The following CREB3L2 variants were observed in gnomAD, a reference collection of about 807,000 sequenced individuals.
CREB3L2 encodes cyclic AMP-responsive element-binding protein 3-like protein 2.
CREB3L2 carries 23 observed loss-of-function variants against 57.2 expected under a neutral mutation model. The ratio of observed to expected loss-of-function variants is 0.40; its 90% CI spans 0.29 to 0.57. The LOEUF (loss-of-function observed/expected upper bound fraction) is 0.57. CREB3L2 is among the 20% of genes least tolerant of loss of function. The pLI is 0.42. For missense variants in CREB3L2, 628 were observed against 634.7 expected (o/e 0.99, Z 0.11); for synonymous variants, 268 against 265.1 (o/e 1.01, Z -0.11).
chr7:137,964,233 T>C (rs1305757383), intron 1 of CREB3L2, among the ~76,000 whole-genome samples: 1 of 152,154 alleles, frequency 6.6e-6, no homozygotes, highest in African/African-American at 2.4e-5. Context: ...GGAGAATCAC[T>C]TGAACCCAGG....
chr7:137,991,082 T>C (rs890546899), intron 1 of CREB3L2, among the ~76,000 whole-genome samples: 2 of 152,080 alleles, frequency 1.3e-5, no homozygotes, highest in Non-Finnish European at 2.9e-5. Context: ...CACCTGCCAA[T>C]TGAATTGCCC....
At chr7:137,965,323 G>A (rs952035510) in intron 1 of CREB3L2, among the ~76,000 whole-genome samples, 11 of 152,016 alleles carry the variant, frequency 7.2e-5, no homozygotes, top group Non-Finnish European at 1.0e-4. Flanking sequence ...ACACACATGC[G>A]CACAAATATA....
Position 137,878,137 on chromosome 7 carries a change from C to T in CREB3L2, c.*2339G>A, listed in dbSNP as rs1398556253. The T allele has an allele frequency of 8.7e-6, 2 of 230,626 alleles. No individual in the cohort carries two copies. The highest frequency in any genetic ancestry group is 1.8e-4 in the South Asian group (1 of 5,508). The allele number at this position is 230,626 out of a possible 1,614,324, so 14.3% of individuals were successfully genotyped here. A position where few individuals can be genotyped will look rare whatever the true frequency, so the allele number is the denominator to read the frequency against. On this transcript the variant is annotated 3_prime_UTR_variant, in exon 12 of 12. Coordinates refer to ENST00000330387, the MANE Select transcript of CREB3L2 (RefSeq NM_194071.4). ...CTGTTTGGAGGTCGAGAGAGAGTGA[C>T]GTCAAGCAAGCGTAGTAAGGGAGAA...
chr7:138,000,055 C>G (rs1025815886), intron 1 of CREB3L2, among the ~76,000 whole-genome samples: 14 of 152,284 alleles, frequency 9.2e-5, no homozygotes, highest in Admixed American at 2.0e-4. Flanking sequence ...CAAATGCAAG[C>G]TACAGGGCCA....
rs1032355866 is a variant in CREB3L2, at chr7:137,990,443, T to G, written c.102+11161A>C. ...GTATCAGGCATTTAATGACTTATAATTTAATGACGCATCTTCCTTCCTACT... is the reference window on the plus strand; with the variant it reads ...GTATCAGGCATTTAATGACTTATAAGTTAATGACGCATCTTCCTTCCTACT... On this transcript the variant is annotated intron_variant, in intron 1 of 11. Coordinates refer to ENST00000330387, the MANE Select transcript of CREB3L2 (RefSeq NM_194071.4). 3.3e-5 allele frequency among the ~76,000 whole-genome samples: 5 copies of G among 152,226 alleles called. No homozygotes were observed. In the East Asian group the frequency reaches 7.7e-4, roughly 23 times the overall value.
chr7:137,892,932 T>C (rs1799552751), intron 8 of CREB3L2, among the ~76,000 whole-genome samples: 1 of 152,134 alleles, frequency 6.6e-6, no homozygotes, highest in Admixed American at 6.6e-5. Flanking sequence ...ATGAACAATC[T>C]CAAAGACATT....
intron 1 of CREB3L2, among the ~76,000 whole-genome samples, chr7:137,950,596 G>A (rs1267868465): frequency 6.6e-6 from 1 of 152,058 alleles, no homozygotes; most frequent in Non-Finnish European, 1.5e-5. Flanking sequence ...GAGGTATTAC[G>A]AAGGCTCCAC....
At chr7:137,996,359 T>C (rs1373561352) in intron 1 of CREB3L2, among the ~76,000 whole-genome samples, 1 of 152,214 alleles carries the variant, frequency 6.6e-6, no homozygotes, top group Non-Finnish European at 1.5e-5. Context: ...GGCGAGAATG[T>C]TGAAAGGTGC....
chr7:137,949,358 T>A (rs148274617), intron 1 of CREB3L2, among the ~76,000 whole-genome samples: 1 of 152,350 alleles, frequency 6.6e-6, no homozygotes, highest in African/African-American at 2.4e-5. Context: ...GTAAGCCAGA[T>A]CTCAAAACAC....
chr7:137,901,316 T>C (rs766985356), intron 8 of CREB3L2, 38 bp downstream of exon 8: 21 of 1,243,564 alleles, frequency 1.7e-5, no homozygotes, highest in East Asian at 1.4e-4. Flanking sequence ...CCATCTTCCA[T>C]TGGTAGCGCA....
chr7:137,957,529 C>T (rs1801240690), intron 1 of CREB3L2, among the ~76,000 whole-genome samples: 1 of 152,168 alleles, frequency 6.6e-6, no homozygotes, highest in African/African-American at 2.4e-5. Context: ...ACCCTAGAAT[C>T]TCCACTGGGC....
At chr7:137,914,166 A>G (rs753480209) in intron 3 of CREB3L2, among the ~76,000 whole-genome samples, 132 of 149,324 alleles carry the variant, frequency 8.8e-4, no homozygotes, top group Admixed American at 1.8e-3. Flanking sequence ...ATAATGTTAT[A>G]ATACAATTAA....
At chr7:137,961,177 T>TCCTC (rs1801315939) in intron 1 of CREB3L2, among the ~76,000 whole-genome samples, 1 of 126,266 alleles carries the variant, frequency 7.9e-6, no homozygotes, top group African/African-American at 3.0e-5. Flanking sequence ...TTTACTTCCT[T>TCCTC]CCTCCAAATT....
At position 137,980,313 on chromosome 7, in the gene CREB3L2, T is replaced by C. The variant is rs985379693; in HGVS notation, c.102+21291A>G. ...TGGGCTGGGACCCAGGCATCAAAGT[T>C]GTTTAAGCTCCCAGGTAAGTGTGAT... On this transcript the variant is annotated intron_variant, in intron 1 of 11. Coordinates refer to ENST00000330387, the MANE Select transcript of CREB3L2 (RefSeq NM_194071.4). The surrounding 1 kb of genome is among the most constrained non-coding windows in gnomAD (Gnocchi z 4.3). Among the ~76,000 whole-genome samples the C allele has an allele frequency of 6.6e-6, 1 of 152,194 alleles. No individual in the cohort carries two copies. The highest frequency in any genetic ancestry group is 1.9e-4 in the East Asian group (1 of 5,190).
At chr7:137,937,286 G>A (rs1012303019) in intron 1 of CREB3L2, among the ~76,000 whole-genome samples, 15 of 152,202 alleles carry the variant, frequency 9.9e-5, no homozygotes, top group African/African-American at 3.6e-4. Flanking sequence ...ATGATTCAGA[G>A]GACACAGCTC....
intron 1 of CREB3L2, among the ~76,000 whole-genome samples, chr7:137,995,272 C>CCATT (rs1436217660): frequency 6.6e-6 from 1 of 151,708 alleles, no homozygotes; most frequent in African/African-American, 2.4e-5. Flanking sequence ...GAACCAAGGT[C>CCATT]CATTGAGGAA....
At chr7:137,986,626 C>T (rs1801796129) in intron 1 of CREB3L2, among the ~76,000 whole-genome samples, 1 of 152,200 alleles carries the variant, frequency 6.6e-6, no homozygotes, top group African/African-American at 2.4e-5. Context: ...ACTGCCTTTT[C>T]CAGTGGTTGA....
intron 10 of CREB3L2, among the ~76,000 whole-genome samples, 155 bp from the exon 11 acceptor site, chr7:137,882,783 A>G (rs1228306691): frequency 6.6e-6 from 1 of 152,236 alleles, no homozygotes; most frequent in Non-Finnish European, 1.5e-5. Flanking sequence ...CTTTCTATAA[A>G]GACTTTAGAG....
At chr7:137,958,643 G>A (rs1257246755) in intron 1 of CREB3L2, among the ~76,000 whole-genome samples, 1 of 152,250 alleles carries the variant, frequency 6.6e-6, no homozygotes, top group Non-Finnish European at 1.5e-5. Flanking sequence ...TTGGTACAAT[G>A]CAATGTTTAA....
Sources: gnomAD v4.1 joint callset for allele counts (sites outside exome capture counted in the v4.1 genomes callset) on GRCh38, gnomAD v4.1.1 for gene constraint, Gnocchi (gnomAD v3.1) non-coding constraint, MANE v1.5 for transcripts, NCBI Gene and HGNC (gene_info 2026-07-23, HGNC 2026-07-21) for gene names.